The following LRRC8C variants were observed in gnomAD, a reference collection of about 807,000 sequenced individuals.
LRRC8C encodes volume-regulated anion channel subunit LRRC8C.
In LRRC8C, 20 loss-of-function variants were observed where a neutral mutation model predicts 55.3. The ratio of observed to expected loss-of-function variants is 0.36; its 90% CI spans 0.25 to 0.53. LRRC8C has a LOEUF of 0.53. LRRC8C is among the 20% of genes least tolerant of loss of function. The pLI, the probability that LRRC8C is intolerant of heterozygous loss-of-function variation, is 0.92. For missense variants in LRRC8C, 659 were observed against 951.4 expected, an observed-to-expected ratio of 0.69 and a Z score of 4.04; for synonymous variants, 376 against 360.7, an observed-to-expected ratio of 1.04 and a Z score of -0.48.
chr1:89,693,159 G>T (rs1051257524), intron 2 of LRRC8C, among the ~76,000 whole-genome samples: 3 of 152,234 alleles, frequency 2.0e-5, no homozygotes, highest in African/African-American at 7.2e-5. Context: ...ATCACTAGGA[G>T]CGAAGTGGCC....
At chr1:89,661,510 G>GC (rs1478554618) in intron 1 of LRRC8C, among the ~76,000 whole-genome samples, 5 of 152,172 alleles carry the variant, frequency 3.3e-5, no homozygotes, top group Non-Finnish European at 7.3e-5. Flanking sequence ...TAGCCACCAG[G>GC]CTCTGGCCTA....
chr1:89,666,084 A>T (rs1657253342), intron 1 of LRRC8C, among the ~76,000 whole-genome samples: 1 of 152,174 alleles, frequency 6.6e-6, no homozygotes, highest in Non-Finnish European at 1.5e-5. Context: ...TGACATCCAC[A>T]CGACAAAATT....
chr1:89,681,186 G>A (rs996136746), intron 1 of LRRC8C, among the ~76,000 whole-genome samples: 13 of 151,530 alleles, frequency 8.6e-5, no homozygotes, highest in Non-Finnish European at 1.0e-4. Context: ...TGAAATTGTC[G>A]CAAATCACTT....
chr1:89,710,826 G>T (rs1178194869), intron 2 of LRRC8C, among the ~76,000 whole-genome samples: 1 of 152,122 alleles, frequency 6.6e-6, no homozygotes, highest in Non-Finnish European at 1.5e-5. Flanking sequence ...AAGTCAAATT[G>T]GGATCCCTCT....
At chr1:89,641,322 A>C (rs1316174807) in intron 1 of LRRC8C, among the ~76,000 whole-genome samples, 1 of 152,230 alleles carries the variant, frequency 6.6e-6, no homozygotes, top group South Asian at 2.1e-4. Context: ...AAGAAAAGTG[A>C]ATGGTCAGAT....
intron 1 of LRRC8C, among the ~76,000 whole-genome samples, chr1:89,635,732 T>TA (rs761201549): frequency 1.3e-5 from 2 of 152,248 alleles, no homozygotes; most frequent in South Asian, 4.1e-4. Context: ...CATCTGTTTC[T>TA]AAAACCCATG....
At chr1:89,703,467 G>T (rs1480574009) in intron 2 of LRRC8C, among the ~76,000 whole-genome samples, 1 of 150,470 alleles carries the variant, frequency 6.6e-6, no homozygotes, top group African/African-American at 2.5e-5. Flanking sequence ...AATGAACCCA[G>T]GGAGAAGTTA....
At chr1:89,659,033 T>G (rs1657027743) in intron 1 of LRRC8C, among the ~76,000 whole-genome samples, 1 of 149,322 alleles carries the variant, frequency 6.7e-6, no homozygotes, top group African/African-American at 2.5e-5. Flanking sequence ...AAATTTTAGG[T>G]TGTGTCTTCT....
chr1:89,661,333 C>A, intron 1 of LRRC8C: 1 of 353,170 alleles, frequency 2.8e-6, no homozygotes, highest in Non-Finnish European at 5.6e-6. Flanking sequence ...TCCCAACTAA[C>A]ATCTGGATTG....
At chr1:89,679,237 T>C (rs1657635424) in intron 1 of LRRC8C, among the ~76,000 whole-genome samples, 1 of 152,078 alleles carries the variant, frequency 6.6e-6, no homozygotes, top group African/African-American at 2.4e-5. Context: ...TCAAATTACA[T>C]GAAGTGCTGC....
intron 1 of LRRC8C, among the ~76,000 whole-genome samples, chr1:89,655,114 T>A (rs1656904659): frequency 6.6e-6 from 1 of 152,166 alleles, no homozygotes; most frequent in Non-Finnish European, 1.5e-5. Flanking sequence ...CACTCTTTAG[T>A]TAATTTCCAT....
upstream of LRRC8C, among the ~76,000 whole-genome samples, chr1:89,630,827 G>T (rs188240111): frequency 3.3e-5 from 5 of 152,152 alleles, no homozygotes; most frequent in Admixed American, 3.3e-4. Context: ...GGTGGACTGA[G>T]GTAAGATCAC....
intron 1 of LRRC8C, among the ~76,000 whole-genome samples, chr1:89,669,146 T>C (rs2185197): frequency 0.63 from 96,401 of 151,986 alleles, 30,624 homozygotes; most frequent in South Asian, 0.74. Flanking sequence ...TGTGACAACA[T>C]GGATGAATGA....
intron 1 of LRRC8C, among the ~76,000 whole-genome samples, chr1:89,673,784 T>C (rs1416033763): frequency 6.6e-6 from 1 of 152,214 alleles, no homozygotes; most frequent in African/African-American, 2.4e-5. Context: ...GGAAGACCAA[T>C]GTAAATCCAA....
At chr1:89,668,438 A>G (rs1270772821) in intron 1 of LRRC8C, 1 of 152,206 alleles carries the variant, frequency 6.6e-6, no homozygotes, top group African/African-American at 2.4e-5. Context: ...GGAATCCTTT[A>G]TAACTTCTAA....
the LRRC8C span, among the ~76,000 whole-genome samples, chr1:89,623,971 TC>T: frequency 5.9e-5 from 9 of 152,164 alleles, no homozygotes; most frequent in African/African-American, 2.2e-4. Flanking sequence ...ACGTGAAAAG[TC>T]CTGGGTCAGA....
At chr1:89,678,389 A>C in intron 1 of LRRC8C, among the ~76,000 whole-genome samples, 1 of 152,184 alleles carries the variant, frequency 6.6e-6, no homozygotes, top group East Asian at 1.9e-4. Context: ...TTCTTGTGGA[A>C]GTAGAGATGC....
intron 2 of LRRC8C, among the ~76,000 whole-genome samples, chr1:89,688,767 A>T (rs1191905052): frequency 1.3e-5 from 2 of 152,252 alleles, no homozygotes. Flanking sequence ...AGGCAACATT[A>T]TGGCATAAAT....
chr1:89,682,155 C>T (rs750691223), intron 1 of LRRC8C, among the ~76,000 whole-genome samples: 14 of 151,914 alleles, frequency 9.2e-5, no homozygotes, highest in African/African-American at 1.5e-4. Context: ...CCAGCCTGGG[C>T]GACAGAGCGA....
Sources: gnomAD v4.1 joint callset for allele counts (sites outside exome capture counted in the v4.1 genomes callset) on GRCh38, gnomAD v4.1.1 for gene constraint, MANE v1.5 for transcripts, NCBI Gene and HGNC (gene_info 2026-07-23, HGNC 2026-07-21) for gene names.